KLHL32: variants seen among roughly 807,000 people sequenced by gnomAD.
The protein encoded by KLHL32 is kelch-like protein 32.
In KLHL32, 35 loss-of-function variants were observed where a neutral mutation model predicts 64.8. The observed-to-expected ratio is 0.54, with a 90% confidence interval of 0.41 to 0.72. KLHL32 has a LOEUF of 0.72. Ranked by LOEUF, KLHL32 falls within the 30% of genes least tolerant of loss-of-function variation. KLHL32 has a pLI of 0.00. For synonymous variants in KLHL32, 259 were observed against 281.0 expected, an observed-to-expected ratio of 0.92 and a Z score of 0.78; for missense variants, 589 against 768.5, an observed-to-expected ratio of 0.77 and a Z score of 2.76.
intron 4 of KLHL32, among the ~76,000 whole-genome samples, chr6:97,044,372 T>G (rs1199060315): frequency 6.6e-6 from 1 of 152,104 alleles, no homozygotes; most frequent in Non-Finnish European, 1.5e-5. Context: ...GAATGATTCT[T>G]TTAATCATTC....
At chr6:97,076,309 C>T (rs1251120321) in intron 5 of KLHL32, among the ~76,000 whole-genome samples, 9 of 152,190 alleles carry the variant, frequency 5.9e-5, no homozygotes, top group Non-Finnish European at 1.2e-4. Flanking sequence ...CTATGCAAAG[C>T]TATAGTTTAA....
Position 96,977,678 on chromosome 6 carries a change from T to C in KLHL32, c.204+1501T>C, listed in dbSNP as rs1582552951. Among the ~76,000 whole-genome samples, 4 of 152,354 alleles carry C rather than the reference T, an allele frequency of 2.6e-5. No individual in the cohort carries two copies. In the South Asian group the frequency reaches 8.3e-4, roughly 32 times the overall value. ...GAATATTTCTAATAATACTGTTGGT[T>C]TTGTTATTTAAGAGACAATATCAAC... On this transcript the variant is annotated intron_variant, in intron 3 of 10. Coordinates refer to ENST00000369261, the MANE Select transcript of KLHL32 (RefSeq NM_052904.4).
intron 8 of KLHL32, among the ~76,000 whole-genome samples, chr6:97,129,678 T>C (rs1171117411): frequency 6.6e-6 from 1 of 152,164 alleles, no homozygotes. Flanking sequence ...GGTCAGGAGT[T>C]TGTGACCAGC....
At chr6:97,094,094 A>G (rs1794635032) in intron 6 of KLHL32, among the ~76,000 whole-genome samples, 1 of 152,204 alleles carries the variant, frequency 6.6e-6, no homozygotes. Context: ...GGGGTTCAAG[A>G]GAGAGGGTGA....
intron 1 of KLHL32, among the ~76,000 whole-genome samples, chr6:96,932,117 A>G (rs952255513): frequency 2.0e-5 from 3 of 151,960 alleles, no homozygotes; most frequent in Non-Finnish European, 4.4e-5. Context: ...GCAGTGGTGT[A>G]GATGTAATCA....
intron 3 of KLHL32, among the ~76,000 whole-genome samples, chr6:97,027,570 TG>T (rs111516581): frequency 6.6e-6 from 1 of 152,038 alleles, no homozygotes; most frequent in East Asian, 1.9e-4. Flanking sequence ...CCAAAATAAT[TG>T]GGGGAAAAGG....
At chr6:97,074,911 G>A (rs2128167189) in intron 5 of KLHL32, among the ~76,000 whole-genome samples, 1 of 151,568 alleles carries the variant, frequency 6.6e-6, no homozygotes, top group East Asian at 1.9e-4. Flanking sequence ...CATATTCATT[G>A]GCAATCTCCT....
At chr6:96,987,508 A>G (rs1052772724) in intron 3 of KLHL32, among the ~76,000 whole-genome samples, 3 of 152,190 alleles carry the variant, frequency 2.0e-5, no homozygotes, top group Non-Finnish European at 4.4e-5. Flanking sequence ...AATCAATATC[A>G]TGAAAATGGC....
At chr6:97,044,474 G>T (rs1300819908) in intron 4 of KLHL32, among the ~76,000 whole-genome samples, 1 of 151,958 alleles carries the variant, frequency 6.6e-6, no homozygotes, top group Non-Finnish European at 1.5e-5. Context: ...TTCTTTTCTT[G>T]TAGTGTCTTT....
intron 3 of KLHL32, among the ~76,000 whole-genome samples, chr6:96,983,681 A>T (rs1435886952): frequency 6.6e-6 from 1 of 152,148 alleles, no homozygotes; most frequent in Non-Finnish European, 1.5e-5. Flanking sequence ...AGGTGTTTAT[A>T]GTGTTCTCTG....
intron 2 of KLHL32, among the ~76,000 whole-genome samples, chr6:96,972,422 C>CAATACA (rs1775213563): frequency 6.6e-6 from 1 of 152,058 alleles, no homozygotes; most frequent in African/African-American, 2.4e-5. Flanking sequence ...ATTGATACAA[C>CAATACA]ACAATACAAT....
intron 2 of KLHL32, among the ~76,000 whole-genome samples, chr6:96,973,741 T>TTTTTTTTTTTTTTTTTTTG (rs3032640): frequency 2.0e-5 from 3 of 149,448 alleles, no homozygotes; most frequent in Admixed American, 6.7e-5. Context: ...TTTTTTTTTT[T>TTTTTTTTTTTTTTTTTTTG]AGACAGAGTC....
intron 6 of KLHL32, among the ~76,000 whole-genome samples, chr6:97,106,742 C>CA (rs113362615): frequency 0.026 from 3,085 of 118,536 alleles, 36 homozygotes; most frequent in Non-Finnish European, 0.031. Context: ...GACCCTGTCT[C>CA]AAAAAAAAAA....
chr6:96,988,175 A>G (rs918547663), intron 3 of KLHL32, among the ~76,000 whole-genome samples: 6 of 152,236 alleles, frequency 3.9e-5, no homozygotes, highest in Non-Finnish European at 8.8e-5. Context: ...CAACCTACAG[A>G]ATGGGAGAAA....
chr6:97,093,237 G>T (rs1006840425), intron 6 of KLHL32, among the ~76,000 whole-genome samples: 1 of 152,142 alleles, frequency 6.6e-6, no homozygotes, highest in Non-Finnish European at 1.5e-5. Flanking sequence ...TGAGGCTAGC[G>T]TAGAAGTCCA....
chr6:97,113,336 G>A (rs764621326), intron 6 of KLHL32, among the ~76,000 whole-genome samples: 8 of 151,880 alleles, frequency 5.3e-5, no homozygotes, highest in South Asian at 4.2e-4. Flanking sequence ...ATTTTCTTAC[G>A]TTACTCATAT....
intron 3 of KLHL32, among the ~76,000 whole-genome samples, chr6:97,023,148 G>A (rs1019162237): frequency 1.3e-5 from 2 of 151,912 alleles, no homozygotes; most frequent in African/African-American, 2.4e-5. Flanking sequence ...ATTTAAGTGG[G>A]GACAGAGATC....
rs186890986 is a variant in KLHL32, at chr6:97,017,402, G to A, written c.205-24090G>A. The stretch of plus-strand genomic sequence containing the variant: ...GAATGCCCTCATCATTGGGAGAGTT[G>A]CTGCCCTTCTCTAACTATAGTTTGA... On this transcript the variant is annotated intron_variant, in intron 3 of 10. Coordinates refer to ENST00000369261, the MANE Select transcript of KLHL32 (RefSeq NM_052904.4). Among the ~76,000 whole-genome samples, 64 of 152,328 alleles carry A rather than the reference G, an allele frequency of 4.2e-4. No individual in the cohort carries two copies. In the East Asian group the frequency reaches 9.6e-3, roughly 23 times the overall value.
rs972322381 is a variant in KLHL32, at chr6:97,055,806, A to C, written c.313-8822A>C. Among the ~76,000 whole-genome samples, 54 of 145,226 alleles carry C rather than the reference A, an allele frequency of 3.7e-4. 2 individuals carry two copies. The highest frequency in any genetic ancestry group is 1.2e-3 in the African/African-American group (45 of 38,136). Reference sequence around the variant, plus strand: ...GACTGAGAACCTGTCTAAAAAAAAAAAAAAAAAAAAAAAAAACCCCTTCTT... The same window carrying C: ...GACTGAGAACCTGTCTAAAAAAAAACAAAAAAAAAAAAAAAACCCCTTCTT... On this transcript the variant is annotated intron_variant, in intron 4 of 10. Coordinates refer to ENST00000369261, the MANE Select transcript of KLHL32 (RefSeq NM_052904.4).
Sources: allele counts gnomAD v4.1 joint callset (sites outside exome capture counted in the v4.1 genomes callset), GRCh38; gene constraint gnomAD v4.1.1; transcripts MANE v1.5; gene names NCBI Gene and HGNC (gene_info 2026-07-23, HGNC 2026-07-21).